Variants in DLG2 observed in about 807,000 individuals in gnomAD.
The protein encoded by DLG2 is disks large homolog 2.
Under a neutral mutation model 132.5 loss-of-function variants are expected in DLG2, and 45 were observed. The observed-to-expected ratio is 0.34, with a 90% CI of 0.27 to 0.44. The LOEUF (loss-of-function observed/expected upper bound fraction) is 0.44, where lower values mean the gene tolerates loss of function less well. DLG2 is among the 20% of genes least tolerant of loss of function. The pLI, the probability that DLG2 is intolerant of heterozygous loss-of-function variation, is 1.00. For synonymous variants in DLG2, 424 were observed against 419.6 expected (o/e 1.01, Z -0.13); for missense variants, 1,045 against 1,196.9 (o/e 0.87, Z 1.87).
intron 3 of DLG2, among the ~76,000 whole-genome samples, chr11:85,428,427 C>G (rs866916037): frequency 6.6e-6 from 1 of 152,188 alleles, no homozygotes; most frequent in Non-Finnish European, 1.5e-5. Flanking sequence ...AACAAACTGT[C>G]TCTCAGACCA....
chr11:83,829,604 C>T (rs567032489), intron 17 of DLG2, among the ~76,000 whole-genome samples: 8 of 152,234 alleles, frequency 5.3e-5, no homozygotes, highest in African/African-American at 1.7e-4. Flanking sequence ...CTTCCATATT[C>T]CATTATTAGT....
intron 6 of DLG2, among the ~76,000 whole-genome samples, chr11:84,944,605 A>ATTTTTT (rs60502429): frequency 7.5e-6 from 1 of 133,890 alleles, no homozygotes; most frequent in Non-Finnish European, 1.5e-5. Flanking sequence ...GTCTCTGTTA[A>ATTTTTT]TTTTTTTTTT....
intron 11 of DLG2, among the ~76,000 whole-genome samples, chr11:84,055,350 C>G (rs778062701): frequency 2.6e-5 from 4 of 152,070 alleles, no homozygotes; most frequent in Admixed American, 6.6e-5. Flanking sequence ...TCAATTCATT[C>G]GCTTCATAGC....
At chr11:84,671,616 T>C (rs1273356371) in intron 6 of DLG2, among the ~76,000 whole-genome samples, 1 of 152,168 alleles carries the variant, frequency 6.6e-6, no homozygotes, top group African/African-American at 2.4e-5. Flanking sequence ...CCCATGTGCA[T>C]GTGCTCTCAG....
chr11:84,643,382 G>A (rs1479954933), intron 6 of DLG2, among the ~76,000 whole-genome samples: 1 of 152,178 alleles, frequency 6.6e-6, no homozygotes, highest in Non-Finnish European at 1.5e-5. Flanking sequence ...CATTACATAA[G>A]CAGCTTCAGA....
intron 6 of DLG2, among the ~76,000 whole-genome samples, chr11:84,734,208 A>G (rs1313383027): frequency 6.6e-6 from 1 of 152,188 alleles, no homozygotes; most frequent in African/African-American, 2.4e-5. Context: ...GATGGCATTC[A>G]ATCTATAAAT....
intron 15 of DLG2, among the ~76,000 whole-genome samples, chr11:83,884,389 G>T (rs1231839968): frequency 6.6e-6 from 1 of 152,232 alleles, no homozygotes; most frequent in Non-Finnish European, 1.5e-5. Flanking sequence ...CGAGGCTAGG[G>T]GGAGGGGCGC....
intron 15 of DLG2, among the ~76,000 whole-genome samples, chr11:83,888,302 A>C (rs2154082691): frequency 6.6e-6 from 1 of 152,294 alleles, no homozygotes; most frequent in South Asian, 2.1e-4. Context: ...CTTATACACA[A>C]ATAACAGACA....
chr11:84,093,963 TA>T (rs2097132784), intron 10 of DLG2, among the ~76,000 whole-genome samples: 2 of 151,486 alleles, frequency 1.3e-5, no homozygotes, highest in African/African-American at 4.9e-5. Flanking sequence ...TTTTTTTTTT[TA>T]TTTTTTATTT....
At chr11:83,830,561 A>G (rs893337792) in intron 17 of DLG2, among the ~76,000 whole-genome samples, 1 of 152,236 alleles carries the variant, frequency 6.6e-6, no homozygotes, top group African/African-American at 2.4e-5. Context: ...GACTGACTCA[A>G]AAGTACCATG....
At chr11:85,360,184 A>G (rs1274963200) in intron 3 of DLG2, among the ~76,000 whole-genome samples, 6 of 152,200 alleles carry the variant, frequency 3.9e-5, no homozygotes, top group Admixed American at 3.9e-4. Context: ...TCTAGTTGTC[A>G]GTTTAGAAAA....
At chr11:85,071,612 T>C (rs934689056) in intron 6 of DLG2, among the ~76,000 whole-genome samples, 4 of 151,954 alleles carry the variant, frequency 2.6e-5, no homozygotes, top group South Asian at 2.1e-4. Flanking sequence ...TGCCAAATCA[T>C]TGTTATAAAC....
intron 4 of DLG2, among the ~76,000 whole-genome samples, chr11:85,240,296 T>C (rs190883839): frequency 1.2e-4 from 18 of 151,990 alleles, no homozygotes; most frequent in African/African-American, 4.3e-4. Context: ...ATGTTGACTT[T>C]ATATATGTTG....
At chr11:83,507,217 G>A (rs564773439) in intron 21 of DLG2, among the ~76,000 whole-genome samples, 1 of 152,052 alleles carries the variant, frequency 6.6e-6, no homozygotes, top group South Asian at 2.1e-4. Flanking sequence ...AGGACTATCA[G>A]TGTTCTCCAT....
intron 6 of DLG2, among the ~76,000 whole-genome samples, chr11:85,108,119 G>T (rs1439028977): frequency 6.6e-6 from 1 of 151,822 alleles, no homozygotes; most frequent in Non-Finnish European, 1.5e-5. Flanking sequence ...ATCTGGAGGA[G>T]CCAGAAATCA....
intron 11 of DLG2, among the ~76,000 whole-genome samples, chr11:84,028,714 C>T (rs886492297): frequency 6.6e-5 from 10 of 152,116 alleles, no homozygotes; most frequent in African/African-American, 2.4e-4. Flanking sequence ...GAGTGCCCTT[C>T]TCCAAACTAC....
chr11:85,218,124 C>A (rs2082738216), intron 4 of DLG2, among the ~76,000 whole-genome samples: 1 of 152,124 alleles, frequency 6.6e-6, no homozygotes. Flanking sequence ...GTTTTCTATC[C>A]TGTTCCATTG....
At chr11:85,332,879 G>C (rs1349236521) in intron 3 of DLG2, among the ~76,000 whole-genome samples, 1 of 152,048 alleles carries the variant, frequency 6.6e-6, no homozygotes, top group Non-Finnish European at 1.5e-5. Context: ...TGAAGTCAGA[G>C]AGTATGATGC....
At chr11:84,268,757 G>A (rs566358583) in intron 7 of DLG2, among the ~76,000 whole-genome samples, 5 of 152,096 alleles carry the variant, frequency 3.3e-5, no homozygotes, top group African/African-American at 7.2e-5. Flanking sequence ...CACCGCGCCC[G>A]GCCCATCTCT....
Sources: gnomAD v4.1 joint callset for allele counts (sites outside exome capture counted in the v4.1 genomes callset) on GRCh38, gnomAD v4.1.1 for gene constraint, MANE v1.5 for transcripts, NCBI Gene and HGNC (gene_info 2026-07-23, HGNC 2026-07-21) for gene names.